Variants in AP3B2 observed in about 807,000 individuals in gnomAD.
The protein encoded by AP3B2 is AP-3 complex subunit beta-2.
In AP3B2, 50 loss-of-function variants were observed where a neutral mutation model predicts 126.9. The observed-to-expected ratio is 0.39, with a 90% confidence interval of 0.31 to 0.50. AP3B2 has a LOEUF of 0.50. AP3B2 is among the 20% of genes least tolerant of loss of function. AP3B2 has a pLI of 0.79. For synonymous variants in AP3B2, 541 were observed against 565.0 expected (o/e 0.96, Z 0.60); for missense variants, 1,177 against 1,426.4 (o/e 0.83, Z 2.82).
intron 4 of AP3B2, among the ~76,000 whole-genome samples, chr15:82,682,129 GCAAC>G (rs1414678965): frequency 7.5e-6 from 1 of 133,190 alleles, no homozygotes; most frequent in East Asian, 2.3e-4. Context: ...TCGGCTCACT[GCAAC>G]CTCCACCTCC....
chr15:82,678,247 T>C (rs2151439209), intron 10 of AP3B2, 80 bp from the exon 11 acceptor site: 1 of 1,347,502 alleles, frequency 7.4e-7, no homozygotes, highest in Non-Finnish European at 1.1e-6. Flanking sequence ...ATACACTTCA[T>C]AGACCAGAAA....
rs866031332 is a variant in AP3B2 at position 82,666,860 on chromosome 15, C to T, written c.1739G>A (p.Arg580His). The T allele has an allele frequency of 1.2e-6, 2 of 1,613,860 alleles. No individual in the cohort carries two copies. Among genetic ancestry groups the T allele is most frequent in the Non-Finnish European group, 1.7e-6 (2 of 1,179,898 alleles). Residue 580 changes from arginine (R) to histidine (H), a missense_variant, in exon 15 of 27, where the codon CGC becomes CAC. By Grantham distance (29) the Arg-to-His change is conservative. Around this residue, in one of 5 missense-constraint regions of AP3B2, gnomAD observed 308 missense variants for 452.4 expected, o/e 0.68. Coordinates refer to ENST00000535359, the MANE Select transcript of AP3B2 (RefSeq NM_001278512.2). ...AGGGACGATGAGCTGCCGGGTGAAGCGCGCCCGGTCGCGAATATCATAGTT... is the reference window on the plus strand; with the variant it reads ...AGGGACGATGAGCTGCCGGGTGAAGTGCGCCCGGTCGCGAATATCATAGTT... ...DQNYDIRDRARFTRQLIVPSE... is the reference protein window; with the variant it reads ...DQNYDIRDRAHFTRQLIVPSE...
chr15:82,660,550 ACTC>A (rs2047923580), intron 25 of AP3B2, among the ~76,000 whole-genome samples: 1 of 151,216 alleles, frequency 6.6e-6, no homozygotes, highest in Admixed American at 6.6e-5. Flanking sequence ...CACCCCCAGA[ACTC>A]CTCATTCTGC....
rs535801269 is a variant in AP3B2, at chr15:82,706,224, G to A, written c.113+3370C>T. ...AAAATCTATTTTCTTCCTCACACCT[G>A]ACGCATATACTTTCTGCCCCCCTCC... On this transcript the variant is annotated intron_variant, in intron 1 of 26. Coordinates refer to ENST00000535359, the MANE Select transcript of AP3B2 (RefSeq NM_001278512.2). Among the ~76,000 whole-genome samples the A allele has an allele frequency of 2.0e-5, 3 of 152,140 alleles. No homozygotes were observed. In the South Asian group the frequency reaches 6.2e-4, roughly 32 times the overall value.
chr15:82,703,235 C>T (rs2048746795), intron 1 of AP3B2, among the ~76,000 whole-genome samples: 2 of 152,102 alleles, frequency 1.3e-5, no homozygotes. Flanking sequence ...TAGTGGCAAA[C>T]ACCACTTTTT....
chr15:82,669,297 C>T (rs1596172201), intron 14 of AP3B2, among the ~76,000 whole-genome samples: 1 of 152,326 alleles, frequency 6.6e-6, no homozygotes, highest in East Asian at 1.9e-4. Flanking sequence ...TCCTTGTTTG[C>T]AGATGATATG....
chr15:82,680,695 T>G lies in AP3B2; in HGVS notation c.832A>C (p.Lys278Gln). 1 of 1,571,352 alleles carries G rather than the reference T, an allele frequency of 6.4e-7. No individual in the cohort carries two copies. Among genetic ancestry groups the G allele is most frequent in the Non-Finnish European group, 8.6e-7 (1 of 1,162,686 alleles). ...GCCGTCTCCTCAGACCCCGCGCCCT[T>G]GGCCTCGTCCTCCTCTGAGCCGTAG... ...AFYGSEEDEA[K>Q]GAGSEETAAA... The change falls in exon 8 of 27, where the codon AAG (lysine) becomes CAG (glutamine). Residue 278 changes from lysine (K) to glutamine (Q), a missense_variant. Physicochemically the swap from Lys to Gln is moderately conservative, Grantham distance 53. Transcript: ENST00000535359. The surrounding 1 kb of genome is among the most constrained non-coding windows in gnomAD (Gnocchi z 6.1).
chr15:82,699,853 G>GT (rs1567275411), intron 1 of AP3B2: 2 of 399,754 alleles, frequency 5.0e-6, no homozygotes, highest in Non-Finnish European at 8.8e-6. Context: ...CACGGCCCCC[G>GT]GGAGCTGCAG....
At chr15:82,689,080 A>G in intron 3 of AP3B2, 78 bp downstream of exon 3, 2 of 1,541,808 alleles carry the variant, frequency 1.3e-6, no homozygotes, top group Non-Finnish European at 1.8e-6. Flanking sequence ...GGGCTAAATC[A>G]TTTCCTTCCT....
chr15:82,691,430 A>G (rs2048530257), intron 1 of AP3B2, among the ~76,000 whole-genome samples: 1 of 152,166 alleles, frequency 6.6e-6, no homozygotes, highest in South Asian at 2.1e-4. Context: ...AGTCACAGTA[A>G]CTGTTGATCT....
In AP3B2 at chr15:82,666,847, C is replaced by G; in HGVS notation, c.1752G>C (p.Gln584His). ...DIRDRARFTR[Q>H]LIVPSEQGGA... The stretch of plus-strand genomic sequence containing the variant: ...CACCCTGCTCGGAAGGGACGATGAG[C>G]TGCCGGGTGAAGCGCGCCCGGTCGC... The change falls in exon 15 of 27, where the codon CAG (glutamine) becomes CAC (histidine). Residue 584 changes from glutamine (Q) to histidine (H), a missense_variant. Physicochemically the swap from Gln to His is conservative, Grantham distance 24 (BLOSUM62 0). Transcript: ENST00000535359. 6.2e-7 allele frequency: 1 copy of G among 1,614,024 alleles called. No individual in the cohort carries two copies. The highest frequency in any genetic ancestry group is 8.5e-7 in the Non-Finnish European group (1 of 1,179,900).
chr15:82,691,952 C>CCGTCCTTCTGCACAT, intron 1 of AP3B2: 1 of 1,401,404 alleles, frequency 7.1e-7, no homozygotes, highest in Non-Finnish European at 1.0e-6. Context: ...CATCCCCACA[C>CCGTCCTTCTGCACAT]CGTCCTTCTG....
chr15:82,665,677 C>T lies in AP3B2; in HGVS notation c.1853-102G>A, dbSNP rs995400642. On this transcript the variant is annotated intron_variant, in intron 15 of 26. Coordinates refer to ENST00000535359, the MANE Select transcript of AP3B2 (RefSeq NM_001278512.2). This position sits in a 1 kb window ranked among gnomAD's most constrained non-coding sequence, Gnocchi z 4.4. Reference sequence around the variant, plus strand: ...GGTGGTGATTCTGGTTGGGACTTCCCAGGTGGGTAGGGGAAGGAGATGGAT... The same window carrying T: ...GGTGGTGATTCTGGTTGGGACTTCCTAGGTGGGTAGGGGAAGGAGATGGAT... 4.6e-6 allele frequency: 4 copies of T among 870,160 alleles called. No individual in the cohort carries two copies. The highest frequency in any genetic ancestry group is 7.5e-6 in the Non-Finnish European group (4 of 534,436). 53.9% of individuals were successfully genotyped at this position (870,160 alleles called of 1,614,324 possible).
chr15:82,668,265 T>G (rs2048091996), intron 14 of AP3B2, among the ~76,000 whole-genome samples: 1 of 152,234 alleles, frequency 6.6e-6, no homozygotes, highest in Non-Finnish European at 1.5e-5. Flanking sequence ...AAGCAGCACC[T>G]GCGATACTGT....
Position 82,680,232 on chromosome 15 carries a change from G to A in AP3B2, c.1056-3C>T, listed in dbSNP as rs2048311975. On this transcript the variant is annotated splice_polypyrimidine_tract_variant and splice_region_variant and intron_variant, in intron 8 of 26. Transcript: ENST00000535359. This position sits in a 1 kb window ranked among gnomAD's most constrained non-coding sequence, Gnocchi z 6.1. Reference sequence around the variant, plus strand: ...GGAGCACAACGTACTGCACCTCACTGCGGAGAGGACGGGTCAGAGCACCCC... The same window carrying A: ...GGAGCACAACGTACTGCACCTCACTACGGAGAGGACGGGTCAGAGCACCCC... The A allele has an allele frequency of 6.2e-7, 1 of 1,613,466 alleles. No homozygotes were observed.
Position 82,665,525 on chromosome 15 carries a change from C to T in AP3B2, c.1903G>A (p.Ala635Thr). ...TCTGGGAGCTCCTGGTAGCCTGTGG[C>T]CTTGGCATTAAGCAGGTGGGACAGT... ...GSLSHLLNAK[A>T]TGYQELPDWP... is the part of the protein sequence containing the mutation. The change falls in exon 16 of 27, where the codon GCC becomes ACC. Residue 635 changes from alanine (A) to threonine (T), a missense_variant. Physicochemically the swap from Ala to Thr is moderately conservative, Grantham distance 58. This residue lies in a region of AP3B2 where 308 missense variants were observed against 452.4 expected (regional missense o/e 0.68). Transcript: ENST00000535359. This position sits in a 1 kb window ranked among gnomAD's most constrained non-coding sequence, Gnocchi z 4.4. The T allele has an allele frequency of 1.2e-6, 2 of 1,613,954 alleles. No homozygotes were observed. Among genetic ancestry groups the T allele is most frequent in the Non-Finnish European group, 1.7e-6 (2 of 1,179,890 alleles).
intron 23 of AP3B2, chr15:82,662,478 A>G: frequency 1.5e-6 from 1 of 656,544 alleles, no homozygotes; most frequent in Non-Finnish European, 2.6e-6. Flanking sequence ...GAAACAACCA[A>G]GGCCCAAATC....
chr15:82,663,751 G>A (rs927303042), intron 20 of AP3B2, 50 bp downstream of exon 20: 35 of 1,596,814 alleles, frequency 2.2e-5, no homozygotes, highest in Non-Finnish European at 2.3e-5. Context: ...CAGAGGTTGG[G>A]GAGGGCCCTG....
At chr15:82,693,722 CAG>C (rs752600121) in intron 1 of AP3B2, among the ~76,000 whole-genome samples, 7 of 151,690 alleles carry the variant, frequency 4.6e-5, no homozygotes, top group Non-Finnish European at 7.4e-5. Flanking sequence ...TTTTTTGAGA[CAG>C]AGTTTCGTTC....
Sources: allele counts gnomAD v4.1 joint callset (sites outside exome capture counted in the v4.1 genomes callset), GRCh38; gene constraint gnomAD v4.1.1; regional missense constraint gnomAD v4.1.1; non-coding constraint Gnocchi (gnomAD v3.1); transcripts MANE v1.5; gene names NCBI Gene and HGNC (gene_info 2026-07-23, HGNC 2026-07-21).